The following ATP11C variants were observed in gnomAD, a reference collection of about 807,000 sequenced individuals.
ATP11C encodes ATPase phospholipid transporting 11C (ATP11C blood group), also known as phospholipid-transporting ATPase IG.
In ATP11C, 36 loss-of-function variants were observed where a neutral mutation model predicts 97.4. That is an observed-to-expected ratio of 0.37 (90% CI 0.28 to 0.49). ATP11C has a LOEUF of 0.49. Ranked by LOEUF, ATP11C falls within the 20% of genes least tolerant of loss-of-function variation. The pLI is 0.98. For missense variants in ATP11C, 730 were observed against 824.6 expected, an observed-to-expected ratio of 0.89 and a Z score of 1.40; for synonymous variants, 275 against 290.9, an observed-to-expected ratio of 0.95 and a Z score of 0.56.
chrX:139,729,064 T>C (rs896280890), intron 29 of ATP11C, 102 bp from the exon 30 acceptor site: 3 of 603,875 alleles, frequency 5.0e-6, no homozygotes, highest in Non-Finnish European at 7.7e-6. Context: ...GTTATGAGAG[T>C]AAAGCAACTG....
At chrX:139,853,299 G>A (rs1279273602) in intron 1 of ATP11C, among the ~76,000 whole-genome samples, 2 of 108,679 alleles carry the variant, frequency 1.8e-5, no homozygotes, top group East Asian at 5.8e-4. Flanking sequence ...GACAGAGACA[G>A]AAAGAGAGAC....
chrX:139,847,978 C>T (rs2147944800), intron 1 of ATP11C, among the ~76,000 whole-genome samples: 1 of 111,308 alleles, frequency 9.0e-6, no homozygotes, highest in East Asian at 2.8e-4. Flanking sequence ...CCAGCTTTTA[C>T]CCATCCTCAT....
intron 1 of ATP11C, among the ~76,000 whole-genome samples, chrX:139,908,021 A>G (rs2085011097): frequency 9.0e-6 from 1 of 111,364 alleles, no homozygotes; most frequent in Non-Finnish European, 1.9e-5. Context: ...TGAATGGATT[A>G]AATAGACAAC....
intron 20 of ATP11C, 74 bp from the exon 21 acceptor site, chrX:139,763,492 T>G: frequency 2.7e-6 from 2 of 752,438 alleles, no homozygotes; most frequent in Non-Finnish European, 4.0e-6. Flanking sequence ...TAGGGGTTTA[T>G]GCCTCATTCA....
At chrX:139,820,047 T>C (rs992507895) in intron 2 of ATP11C, among the ~76,000 whole-genome samples, 2 of 110,796 alleles carry the variant, frequency 1.8e-5, no homozygotes, top group Admixed American at 9.6e-5. Flanking sequence ...ATTAGCCGGG[T>C]GTGGTGACGC....
intron 1 of ATP11C, among the ~76,000 whole-genome samples, chrX:139,896,875 T>C (rs1458654071): frequency 9.0e-6 from 1 of 110,545 alleles, no homozygotes; most frequent in African/African-American, 3.3e-5. Context: ...AATAATAATA[T>C]ATTAATATTG....
chrX:139,803,366 C>T (rs1294268950), intron 6 of ATP11C, among the ~76,000 whole-genome samples: 1 of 111,373 alleles, frequency 9.0e-6, no homozygotes, highest in African/African-American at 3.3e-5. Flanking sequence ...TTTTTACATA[C>T]TGAGTCGTAG....
chrX:139,820,506 C>G (rs2083385315), intron 2 of ATP11C, among the ~76,000 whole-genome samples: 1 of 111,189 alleles, frequency 9.0e-6, no homozygotes, highest in Non-Finnish European at 1.9e-5. Context: ...ATGATCATAA[C>G]AGATACCCCT....
intron 18 of ATP11C, among the ~76,000 whole-genome samples, chrX:139,775,205 G>A (rs2082326095): frequency 8.9e-6 from 1 of 111,800 alleles, no homozygotes; most frequent in South Asian, 3.8e-4. Flanking sequence ...GTATCCAATG[G>A]CAGAATTGAG....
intron 23 of ATP11C, among the ~76,000 whole-genome samples, chrX:139,755,792 G>C (rs781684956): frequency 6.3e-5 from 7 of 111,787 alleles, no homozygotes; most frequent in Non-Finnish European, 1.1e-4. Flanking sequence ...ATTGAAACTG[G>C]ACCCGTTTCT....
At chrX:139,782,919 T>G (rs767965610) in intron 17 of ATP11C, among the ~76,000 whole-genome samples, 191 bp from the exon 18 acceptor site, 1 of 112,236 alleles carries the variant, frequency 8.9e-6, no homozygotes, top group East Asian at 2.8e-4. Context: ...AAGTAACAGT[T>G]CTTTTAACAA....
At chrX:139,870,988 G>A (rs931756474) in intron 1 of ATP11C, among the ~76,000 whole-genome samples, 6 of 103,546 alleles carry the variant, frequency 5.8e-5, no homozygotes, top group Non-Finnish European at 9.9e-5. Context: ...CCCGGGAAGC[G>A]GAGCTTGCAG....
chrX:139,850,713 G>T (rs991309792), intron 1 of ATP11C, among the ~76,000 whole-genome samples: 1 of 110,809 alleles, frequency 9.0e-6, no homozygotes. Context: ...AGGAATTCAA[G>T]ACTAGCCTGG....
At chrX:139,817,513 C>G (rs2083311611) in intron 3 of ATP11C, among the ~76,000 whole-genome samples, 1 of 112,621 alleles carries the variant, frequency 8.9e-6, no homozygotes, top group Non-Finnish European at 1.9e-5. Context: ...GCAGGGCCCT[C>G]TAGGCCAAAG....
In ATP11C at chrX:139,743,537, CATGA is replaced by C; in HGVS notation, c.3030+18_3030+21del. The C allele has an allele frequency of 2.9e-6, 3 of 1,044,247 alleles. No homozygotes were observed. The highest frequency in any genetic ancestry group is 3.9e-6 in the Non-Finnish European group (3 of 764,503). The allele number at this position is 1,044,247 out of a possible 1,213,427, so 86.1% of individuals were successfully genotyped here. A position where few individuals can be genotyped will look rare whatever the true frequency, so the allele number is the denominator to read the frequency against. ...ATTATAAAAACAGTATTAAAAAATA[CATGA>C]ATAAGTAAAAATCTAACCTTCAGGG... On this transcript the variant is annotated intron_variant, in intron 26 of 29. Coordinates refer to ENST00000682941, the MANE Select transcript of ATP11C (RefSeq NM_001353812.2).
intron 16 of ATP11C, 50 bp from the exon 17 acceptor site, chrX:139,783,317 G>T: frequency 1.1e-6 from 1 of 947,648 alleles, no homozygotes; most frequent in Non-Finnish European, 1.5e-6. Context: ...GGCTGGTATT[G>T]TGGTTTTAGT....
chrX:139,773,225 C>A lies in ATP11C; in HGVS notation c.2216+1465G>T, dbSNP rs2082287731. ...GTGCTTTTTGCCATGATTCTGAGGCCTCCCCAACCATGCAGAACTCTAAGT... is the reference window on the plus strand; with the variant it reads ...GTGCTTTTTGCCATGATTCTGAGGCATCCCCAACCATGCAGAACTCTAAGT... On this transcript the variant is annotated intron_variant, in intron 19 of 29. Transcript: ENST00000682941. Among the ~76,000 whole-genome samples the A allele has an allele frequency of 1.8e-5, 2 of 111,420 alleles. 1 individual carries two copies. The highest frequency in any genetic ancestry group is 1.9e-4 in the Admixed American group (2 of 10,481).
At chrX:139,733,673 T>G (rs777224710) in intron 28 of ATP11C, among the ~76,000 whole-genome samples, 8 of 111,579 alleles carry the variant, frequency 7.2e-5, no homozygotes, top group Non-Finnish European at 1.3e-4. Flanking sequence ...TATCTTCTAT[T>G]TTATGGGCAA....
At chrX:139,814,369 C>G (rs1471056967) in intron 5 of ATP11C, among the ~76,000 whole-genome samples, 1 of 111,366 alleles carries the variant, frequency 9.0e-6, no homozygotes, top group Non-Finnish European at 1.9e-5. Flanking sequence ...TACAATATGA[C>G]CCAGCAATTT....
Sources: gnomAD v4.1 joint callset for allele counts (sites outside exome capture counted in the v4.1 genomes callset) on GRCh38, gnomAD v4.1.1 for gene constraint, MANE v1.5 for transcripts, NCBI Gene and HGNC (gene_info 2026-07-23, HGNC 2026-07-21) for gene names.